The following KIRREL3 variants were observed in gnomAD, a reference collection of about 807,000 sequenced individuals.
KIRREL3 encodes kirre like nephrin family adhesion molecule 3.
In KIRREL3, 36 loss-of-function variants were observed where a neutral mutation model predicts 89.7. That is an observed-to-expected ratio of 0.40 (90% CI 0.31 to 0.53). The LOEUF is 0.53. Ranked by LOEUF, KIRREL3 falls within the 20% of genes least tolerant of loss-of-function variation. The probability of loss-of-function intolerance (pLI) is 0.49; values close to 1 mark genes in which losing one functional copy is unlikely to be tolerated. For missense variants in KIRREL3, 864 were observed against 1,056.6 expected, an observed-to-expected ratio of 0.82 and a Z score of 2.53; for synonymous variants, 445 against 441.4, an observed-to-expected ratio of 1.01 and a Z score of -0.10.
intron 4 of KIRREL3, among the ~76,000 whole-genome samples, chr11:126,503,551 C>A (rs1957930321): frequency 6.6e-6 from 1 of 152,086 alleles, no homozygotes; most frequent in Admixed American, 6.6e-5. Context: ...GGAACCCAAC[C>A]CTTCTGAGCC....
chr11:126,449,654 A>G (rs1173878068), intron 7 of KIRREL3, among the ~76,000 whole-genome samples: 1 of 152,234 alleles, frequency 6.6e-6, no homozygotes, highest in African/African-American at 2.4e-5. Flanking sequence ...CACACTGACA[A>G]GGCGAGAAGC....
intron 1 of KIRREL3, among the ~76,000 whole-genome samples, chr11:126,846,695 T>G (rs1944154472): frequency 6.6e-6 from 1 of 151,882 alleles, no homozygotes; most frequent in Non-Finnish European, 1.5e-5. Flanking sequence ...AAAAAAAAAT[T>G]TCACACGCAA....
chr11:126,540,380 C>T (rs1938267408), intron 2 of KIRREL3, among the ~76,000 whole-genome samples: 1 of 152,202 alleles, frequency 6.6e-6, no homozygotes. Context: ...TATGCTTGTT[C>T]CTCACCCGGG....
At position 126,530,923 on chromosome 11, in the gene KIRREL3, C is replaced by T. The variant is rs879834811; in HGVS notation, c.134-4236G>A. ...TCCGCTCATTGCAACCTTTGCCTCCCGGGTTCAAGCGATTCTTCTGCCTCA... is the reference window on the plus strand; with the variant it reads ...TCCGCTCATTGCAACCTTTGCCTCCTGGGTTCAAGCGATTCTTCTGCCTCA... On this transcript the variant is annotated intron_variant, in intron 2 of 16. Transcript: ENST00000525144. This position sits in a 1 kb window ranked among gnomAD's most constrained non-coding sequence, Gnocchi z 5.8. 3.9e-5 allele frequency among the ~76,000 whole-genome samples: 6 copies of T among 152,128 alleles called. No homozygotes were observed. The highest frequency in any genetic ancestry group is 1.9e-4 in the East Asian group (1 of 5,168).
At chr11:126,481,498 C>T (rs996147910) in intron 4 of KIRREL3, among the ~76,000 whole-genome samples, 7 of 152,206 alleles carry the variant, frequency 4.6e-5, no homozygotes, top group Non-Finnish European at 1.0e-4. Context: ...AGGTGTGACA[C>T]CACACCCACC....
chr11:126,745,864 G>A (rs1949132097), intron 1 of KIRREL3, among the ~76,000 whole-genome samples: 1 of 152,222 alleles, frequency 6.6e-6, no homozygotes, highest in African/African-American at 2.4e-5. Context: ...CAGGCTTGGT[G>A]TTGGGCGTTT....
chr11:126,457,193 G>GTGTGTGTGTGTGTA (rs1555111651), intron 6 of KIRREL3, among the ~76,000 whole-genome samples: 2 of 148,940 alleles, frequency 1.3e-5, no homozygotes, highest in Non-Finnish European at 3.0e-5. Context: ...TTATGTGTGT[G>GTGTGTGTGTGTGTA]TGTGTGTGTG....
rs1204777028 is a variant in KIRREL3 at position 126,890,439 on chromosome 11, GA to G, written c.55+110015del. ...TATCCAGCAACTCCCATCTATTTCT[GA>G]AAACTCCACGTGCTGGTCTGGCACT... is the stretch of plus-strand genomic sequence containing the variant. On this transcript the variant is annotated intron_variant, in intron 1 of 16. Coordinates refer to ENST00000525144, the MANE Select transcript of KIRREL3 (RefSeq NM_032531.4). The surrounding 1 kb of genome is among the most constrained non-coding windows in gnomAD (Gnocchi z 5.1). Among the ~76,000 whole-genome samples, 2 of 152,182 alleles carry G rather than the reference GA, an allele frequency of 1.3e-5. No individual in the cohort carries two copies. Among genetic ancestry groups the G allele is most frequent in the Non-Finnish European group, 2.9e-5 (2 of 68,042 alleles).
intron 4 of KIRREL3, among the ~76,000 whole-genome samples, chr11:126,478,667 A>C (rs113800485): frequency 6.6e-6 from 1 of 151,516 alleles, no homozygotes; most frequent in Non-Finnish European, 1.5e-5. Flanking sequence ...ATATGTATAT[A>C]TGTATGTGTA....
At position 126,719,712 on chromosome 11, in the gene KIRREL3, C is replaced by A. The variant is rs1284523520; in HGVS notation, c.56-156800G>T. 6.6e-6 allele frequency among the ~76,000 whole-genome samples: 1 copy of A among 152,190 alleles called. No individual in the cohort carries two copies. The highest frequency in any genetic ancestry group is 1.5e-5 in the Non-Finnish European group (1 of 68,034). On this transcript the variant is annotated intron_variant, in intron 1 of 16. Transcript: ENST00000525144. The surrounding 1 kb of genome is among the most constrained non-coding windows in gnomAD (Gnocchi z 4.7). ...ACAACCTTAGAAGTCATCCCTGATG[C>A]CTTTCTCTAATACTTTATCTTTCAA...
chr11:126,853,226 G>A (rs922953186), intron 1 of KIRREL3, among the ~76,000 whole-genome samples: 7 of 152,054 alleles, frequency 4.6e-5, no homozygotes, highest in African/African-American at 4.8e-5. Context: ...CTAGCTTCTC[G>A]AAGAATTAAG....
At chr11:126,662,226 A>G (rs1052472803) in intron 1 of KIRREL3, among the ~76,000 whole-genome samples, 3 of 152,172 alleles carry the variant, frequency 2.0e-5, no homozygotes, top group Non-Finnish European at 4.4e-5. Context: ...ATAAAAGGAA[A>G]AATGCATTGC....
At chr11:126,436,346 T>C (rs964482002) in intron 12 of KIRREL3, among the ~76,000 whole-genome samples, 1 of 152,244 alleles carries the variant, frequency 6.6e-6, no homozygotes, top group East Asian at 1.9e-4. Context: ...AGTAACTGGA[T>C]GGGCTTGTCA....
In KIRREL3 at chr11:126,873,476, C is replaced by T. The variant is rs565979715; in HGVS notation, c.55+126979G>A. Among the ~76,000 whole-genome samples, 6 of 152,320 alleles carry T rather than the reference C, an allele frequency of 3.9e-5. No homozygotes were observed. The South Asian group carries it at 6.2e-4, about 16-fold the overall frequency. ...ACCAATTTCACATTTCCCTCCTTTG[C>T]TGGCTGCAGGAAAGTATGTGTTTTT... On this transcript the variant is annotated intron_variant, in intron 1 of 16. Coordinates refer to ENST00000525144, the MANE Select transcript of KIRREL3 (RefSeq NM_032531.4).
chr11:126,949,777 G>C (rs1281029207), intron 1 of KIRREL3, among the ~76,000 whole-genome samples: 1 of 152,206 alleles, frequency 6.6e-6, no homozygotes, highest in East Asian at 1.9e-4. Flanking sequence ...CTCCAAGAGA[G>C]AAGGGCTGCT....
At chr11:126,789,056 C>T (rs1039085553) in intron 1 of KIRREL3, among the ~76,000 whole-genome samples, 5 of 152,224 alleles carry the variant, frequency 3.3e-5, no homozygotes, top group Middle Eastern at 3.4e-3. Context: ...TCACTGCATG[C>T]GATGATGCTG....
In KIRREL3 at chr11:126,768,834, G is replaced by A. The variant is rs148944092; in HGVS notation, c.56-205922C>T. On this transcript the variant is annotated intron_variant, in intron 1 of 16. Coordinates refer to ENST00000525144, the MANE Select transcript of KIRREL3 (RefSeq NM_032531.4). The surrounding 1 kb of genome is among the most constrained non-coding windows in gnomAD (Gnocchi z 4.5). ...GGTATGGCAGGATGTCTGAGCAGTCGGCGGAGACCAGACATAGAGCTCCAT... is the reference window on the plus strand; with the variant it reads ...GGTATGGCAGGATGTCTGAGCAGTCAGCGGAGACCAGACATAGAGCTCCAT... Among the ~76,000 whole-genome samples, 108 of 152,292 alleles carry A rather than the reference G, an allele frequency of 7.1e-4. No homozygotes were observed. The highest frequency in any genetic ancestry group is 2.2e-3 in the African/African-American group (92 of 41,556).
intron 1 of KIRREL3, among the ~76,000 whole-genome samples, chr11:126,885,168 C>T (rs887741557): frequency 1.3e-5 from 2 of 152,104 alleles, no homozygotes; most frequent in Non-Finnish European, 2.9e-5. Context: ...TCTTGGACAA[C>T]GACTTACTTT....
At chr11:126,529,412 C>T (rs1418544702) in intron 2 of KIRREL3, among the ~76,000 whole-genome samples, 1 of 152,022 alleles carries the variant, frequency 6.6e-6, no homozygotes, top group Non-Finnish European at 1.5e-5. Context: ...GCACAAGATG[C>T]CTGGAATAAG....
Sources: allele counts gnomAD v4.1 joint callset (sites outside exome capture counted in the v4.1 genomes callset), GRCh38; gene constraint gnomAD v4.1.1; non-coding constraint Gnocchi (gnomAD v3.1); transcripts MANE v1.5; gene names NCBI Gene and HGNC (gene_info 2026-07-23, HGNC 2026-07-21).